Variants in ZNF555 observed in about 807,000 individuals in gnomAD.
ZNF555 encodes the protein zinc finger protein 555.
ZNF555 carries 10 observed loss-of-function variants against 14.0 expected under a neutral mutation model. That is an observed-to-expected ratio of 0.72 (90% confidence interval 0.44 to 1.21). The LOEUF (loss-of-function observed/expected upper bound fraction) is 1.21, where lower values mean the gene tolerates loss of function less well. ZNF555 is among the 50% of genes most tolerant of loss of function. The pLI is 0.00. For synonymous variants in ZNF555, 277 were observed against 262.4 expected (o/e 1.06, Z -0.54); for missense variants, 747 against 762.0 (o/e 0.98, Z 0.23).
chr19:2,852,877 T>TC lies in ZNF555; in HGVS notation c.812_813insC (p.Arg272SerfsTer14). On this transcript the variant is annotated frameshift_variant, in exon 4 of 4. Transcript: ENST00000334241. LOFTEE classifies it low-confidence loss of function (END_TRUNC). ...AAAGCTTTCAGTTATTCCTCAACGT[T>TC]TCGAAGACACACAATAACACACACT... 1.4e-5 allele frequency: 23 copies of TC among 1,614,188 alleles called. No individual in the cohort carries two copies. The highest frequency in any genetic ancestry group is 1.9e-5 in the Non-Finnish European group (22 of 1,180,040).
Position 2,851,508 on chromosome 19 carries a change from G to A in ZNF555, c.171G>A (p.Gln57=). The change falls in exon 3 of 4, where the codon CAG becomes CAA. Residue 57 remains glutamine, a synonymous_variant. Coordinates refer to ENST00000334241, the MANE Select transcript of ZNF555 (RefSeq NM_152791.5). ...TTAAGGCCAGTGGGTCAGTTTCTCAGCAGGATATTTATGGAGAGAAAATAC... is the reference window on the plus strand; with the variant it reads ...TTAAGGCCAGTGGGTCAGTTTCTCAACAGGATATTTATGGAGAGAAAATAC... ...TQFKASGSVS[Q]QDIYGEKIPK... The A allele has an allele frequency of 6.2e-7, 1 of 1,602,378 alleles. No individual in the cohort carries two copies. The highest frequency in any genetic ancestry group is 8.5e-7 in the Non-Finnish European group (1 of 1,176,688).
rs975753875 is a variant in ZNF555 at position 2,854,945 on chromosome 19, C to A, written c.*993C>A. 3 of 152,160 alleles carry A rather than the reference C, an allele frequency of 2.0e-5. No individual in the cohort carries two copies. The highest frequency in any genetic ancestry group is 7.2e-5 in the African/African-American group (3 of 41,440). The allele number at this position is 152,160 out of a possible 1,614,324, so 9.4% of individuals were successfully genotyped here. A position where few individuals can be genotyped will look rare whatever the true frequency, so the allele number is the denominator to read the frequency against. On this transcript the variant is annotated 3_prime_UTR_variant, in exon 4 of 4. Transcript: ENST00000334241. ...CGTTCTGTAGATCTTAACATATTTG[C>A]ATGGGGTCTAATTTATATAGTGAAC... is the stretch of plus-strand genomic sequence containing the variant.
At chr19:2,845,585 G>A (rs758769) in intron 1 of ZNF555, among the ~76,000 whole-genome samples, 83,592 of 152,020 alleles carry the variant, frequency 0.55, 23,910 homozygotes, top group African/African-American at 0.69. Flanking sequence ...CCAACCATGT[G>A]TAAGCATTCC....
At position 2,842,783 on chromosome 19, in the gene ZNF555, C is replaced by A. The variant is rs549062692; in HGVS notation, c.3+1208C>A. Among the ~76,000 whole-genome samples the A allele has an allele frequency of 3.3e-3, 503 of 152,302 alleles. 2 individuals are homozygous for A. Among genetic ancestry groups the A allele is most frequent in the African/African-American group, 0.011 (470 of 41,568 alleles). On this transcript the variant is annotated intron_variant, in intron 1 of 3. Transcript: ENST00000334241. ...CCAGGCCGGGCGCGGTGGCTCAAGC[C>A]TGTCATCCCAGCACTGTGACAGGCC...
chr19:2,855,748 C>G lies in ZNF555; in HGVS notation c.*1796C>G, dbSNP rs937365322. 6.6e-6 allele frequency: 1 copy of G among 152,108 alleles called. No homozygotes were observed. Among genetic ancestry groups the G allele is most frequent in the African/African-American group, 2.4e-5 (1 of 41,416 alleles). 9.4% of individuals were successfully genotyped at this position (152,108 alleles called of 1,614,324 possible). A position where few individuals can be genotyped will look rare whatever the true frequency, so the allele number is the denominator to read the frequency against. On this transcript the variant is annotated 3_prime_UTR_variant, in exon 4 of 4. Transcript: ENST00000334241. ...CAGGACCATGCTTTTTCTGAAGATG[C>G]TAGGGAAGGATCTGTTTCAGAACTC...
intron 1 of ZNF555, among the ~76,000 whole-genome samples, chr19:2,845,192 C>T (rs2087572160): frequency 6.6e-6 from 1 of 152,168 alleles, no homozygotes; most frequent in Non-Finnish European, 1.5e-5. Flanking sequence ...GATTTACTTC[C>T]CACTTATAAG....
Position 2,852,317 on chromosome 19 carries a change from T to G in ZNF555, c.315-63T>G, listed in dbSNP as rs1413724035. On this transcript the variant is annotated intron_variant, in intron 3 of 3. Coordinates refer to ENST00000334241, the MANE Select transcript of ZNF555 (RefSeq NM_152791.5). Reference sequence around the variant, plus strand: ...ACTGAAAATGGTTAAGATGCAGTCCTAATCCTAATAAATACTAACAAATCA... The same window carrying G: ...ACTGAAAATGGTTAAGATGCAGTCCGAATCCTAATAAATACTAACAAATCA... 3 of 1,596,716 alleles carry G rather than the reference T, an allele frequency of 1.9e-6. No homozygotes were observed. In the East Asian group the frequency reaches 6.7e-5, roughly 36 times the overall value.
In ZNF555 at chr19:2,856,833, T is replaced by C. The variant is rs2087687014; in HGVS notation, c.*2881T>C. On this transcript the variant is annotated 3_prime_UTR_variant, in exon 4 of 4. Transcript: ENST00000334241. ...TTCTCATCTACAAAGCAGAAGTTAATTGGAGCTGAAAACTAATCAGTAAAG... is the reference window on the plus strand; with the variant it reads ...TTCTCATCTACAAAGCAGAAGTTAACTGGAGCTGAAAACTAATCAGTAAAG... The C allele has an allele frequency of 1.3e-5, 2 of 152,206 alleles. No homozygotes were observed. The highest frequency in any genetic ancestry group is 2.1e-4 in the South Asian group (1 of 4,834). The allele number at this position is 152,206 out of a possible 1,614,324, so 9.4% of individuals were successfully genotyped here.
rs763242382 is a variant in ZNF555 at position 2,853,537 on chromosome 19, G to A, written c.1472G>A (p.Cys491Tyr). ...ECKLCGKAFY[C>Y]HISLQKHMRR... ...AAGCTATGTGGGAAAGCTTTCTATT[G>A]CCACATATCCTTACAAAAACATATG... Residue 491 changes from cysteine to tyrosine, a missense_variant, in exon 4 of 4, where the codon TGC becomes TAC. Physicochemically the swap from Cys to Tyr is radical, Grantham distance 194 (BLOSUM62 -2). Coordinates refer to ENST00000334241, the MANE Select transcript of ZNF555 (RefSeq NM_152791.5). 3.7e-6 allele frequency: 6 copies of A among 1,611,124 alleles called. No individual in the cohort carries two copies. Among genetic ancestry groups the A allele is most frequent in the South Asian group, 3.3e-5 (3 of 90,846 alleles).
intron 1 of ZNF555, among the ~76,000 whole-genome samples, chr19:2,845,673 C>A (rs1438277417): frequency 6.6e-6 from 1 of 152,158 alleles, no homozygotes; most frequent in African/African-American, 2.4e-5. Flanking sequence ...GATGGTATCT[C>A]ATCGTGCTTT....
chr19:2,853,039 C>T lies in ZNF555; in HGVS notation c.974C>T (p.Ser325Leu), dbSNP rs369578133. 7.7e-5 allele frequency: 124 copies of T among 1,614,094 alleles called. No homozygotes were observed. Among genetic ancestry groups the T allele is most frequent in the South Asian group, 5.5e-4 (50 of 91,072 alleles). The stretch of plus-strand genomic sequence containing the variant: ...TGTGGGGAGGCCTTCAGTTATTCTT[C>T]GGCTTTTCGAAGACACATGATAACA... Reference protein sequence around the residue: ...KECGEAFSYSSAFRRHMITHT... With the variant: ...KECGEAFSYSLAFRRHMITHT... Residue 325 changes from serine to leucine, a missense_variant, in exon 4 of 4, where the codon TCG (serine) becomes TTG (leucine). Ser to Leu is a moderately radical substitution (Grantham distance 145). Coordinates refer to ENST00000334241, the MANE Select transcript of ZNF555 (RefSeq NM_152791.5).
Position 2,853,251 on chromosome 19 carries a change from T to C in ZNF555, c.1186T>C (p.Tyr396His). The change falls in exon 4 of 4, where the codon TAT (tyrosine) becomes CAT (histidine). Residue 396 changes from tyrosine (Y) to histidine (H), a missense_variant. Tyr to His is a moderately conservative substitution (Grantham distance 83). Coordinates refer to ENST00000334241, the MANE Select transcript of ZNF555 (RefSeq NM_152791.5). ...AAGGACTCATGGTGGAGAGAAACCCTATGAATGCAACCAGTGCGGGAAAGC... is the reference window on the plus strand; with the variant it reads ...AAGGACTCATGGTGGAGAGAAACCCCATGAATGCAACCAGTGCGGGAAAGC... The part of the protein sequence containing the change: ...HERTHGGEKP[Y>H]ECNQCGKAFS... 1 of 1,614,020 alleles carries C rather than the reference T, an allele frequency of 6.2e-7. No individual in the cohort carries two copies. The highest frequency in any genetic ancestry group is 1.1e-5 in the South Asian group (1 of 91,062).
At position 2,858,348 on chromosome 19, in the gene ZNF555, G is replaced by A. The variant is rs2087701576; in HGVS notation, c.*4396G>A. 2 of 152,204 alleles carry A rather than the reference G, an allele frequency of 1.3e-5. No individual in the cohort carries two copies. Among genetic ancestry groups the A allele is most frequent in the African/African-American group, 4.8e-5 (2 of 41,426 alleles). The allele number at this position is 152,204 out of a possible 1,614,324, so 9.4% of individuals were successfully genotyped here. A position where few individuals can be genotyped will look rare whatever the true frequency, so the allele number is the denominator to read the frequency against. On this transcript the variant is annotated 3_prime_UTR_variant, in exon 4 of 4. Coordinates refer to ENST00000334241, the MANE Select transcript of ZNF555 (RefSeq NM_152791.5). The stretch of plus-strand genomic sequence containing the variant: ...ACTTTATCTCACGCACATAACAGGA[G>A]AGAAGAAGGAGGTCTTCCAGAATCT...
intron 1 of ZNF555, among the ~76,000 whole-genome samples, chr19:2,845,098 G>T (rs2087571477): frequency 6.6e-6 from 1 of 152,202 alleles, no homozygotes; most frequent in African/African-American, 2.4e-5. Flanking sequence ...CCATGAGGAA[G>T]GGTGTCAGCC....
At chr19:2,849,382 C>T (rs758518397) in intron 1 of ZNF555, among the ~76,000 whole-genome samples, 26 of 151,794 alleles carry the variant, frequency 1.7e-4, no homozygotes, top group Admixed American at 1.3e-4. Flanking sequence ...TTGTCTATGT[C>T]TTTTATAACC....
chr19:2,844,093 C>CTTTTTT (rs34787983), intron 1 of ZNF555, among the ~76,000 whole-genome samples: 1 of 131,950 alleles, frequency 7.6e-6, no homozygotes, highest in African/African-American at 2.8e-5. Flanking sequence ...CTCTCTCTCT[C>CTTTTTT]TTTTCTTTTT....
intron 1 of ZNF555, among the ~76,000 whole-genome samples, chr19:2,849,714 C>G (rs996016671): frequency 6.6e-6 from 1 of 151,686 alleles, no homozygotes. Context: ...TTTTGAACTC[C>G]TGACCTCAAA....
At chr19:2,852,281 C>T in intron 3 of ZNF555, 99 bp from the exon 4 acceptor site, 1 of 1,460,100 alleles carries the variant, frequency 6.8e-7, no homozygotes, top group Non-Finnish European at 9.3e-7. Context: ...GGGTGAAAAA[C>T]CTATGCTTTC....
chr19:2,846,663 A>T (rs551703067), intron 1 of ZNF555, among the ~76,000 whole-genome samples: 6 of 152,358 alleles, frequency 3.9e-5, no homozygotes, highest in African/African-American at 1.4e-4. Context: ...ATCTGAGTTC[A>T]GAATTCCATA....
Sources: allele counts gnomAD v4.1 joint callset (sites outside exome capture counted in the v4.1 genomes callset), GRCh38; gene constraint gnomAD v4.1.1; transcripts MANE v1.5; gene names NCBI Gene and HGNC (gene_info 2026-07-23, HGNC 2026-07-21).